Variants in AKT3 observed in about 807,000 individuals in gnomAD.
The protein encoded by AKT3 is RAC-gamma serine/threonine-protein kinase.
A neutral mutation model predicts 65.3 loss-of-function variants in AKT3; 15 were observed. The observed-to-expected ratio is 0.23, with a 90% CI of 0.15 to 0.35. The LOEUF (loss-of-function observed/expected upper bound fraction) is 0.35. AKT3 is among the 10% of genes least tolerant of loss of function. AKT3 has a pLI of 1.00. For missense variants in AKT3, 243 were observed against 576.5 expected, an observed-to-expected ratio of 0.42 and a Z score of 5.92; for synonymous variants, 206 against 183.8, an observed-to-expected ratio of 1.12 and a Z score of -0.98.
chr1:243,796,853 A>G (rs1464590304), intron 2 of AKT3, among the ~76,000 whole-genome samples: 2 of 152,178 alleles, frequency 1.3e-5, no homozygotes, highest in Non-Finnish European at 2.9e-5. Flanking sequence ...CCTGGAAAAC[A>G]CTACGCTAAG....
chr1:243,666,366 TAGTTTTCTAAC>T (rs1262539821), intron 3 of AKT3, among the ~76,000 whole-genome samples: 1 of 152,190 alleles, frequency 6.6e-6, no homozygotes, highest in Non-Finnish European at 1.5e-5. Context: ...GGTCTCTGCT[TAGTTTTCTAAC>T]AGTTTACATG....
intron 2 of AKT3, among the ~76,000 whole-genome samples, chr1:243,714,773 C>T (rs538534002): frequency 6.6e-6 from 1 of 152,112 alleles, no homozygotes; most frequent in East Asian, 1.9e-4. Context: ...TAAAAATCTA[C>T]TATTTGAAGA....
intron 3 of AKT3, among the ~76,000 whole-genome samples, chr1:243,670,651 T>C (rs1332460490): frequency 6.6e-6 from 1 of 152,232 alleles, no homozygotes; most frequent in Non-Finnish European, 1.5e-5. Flanking sequence ...TTAATATGCA[T>C]CAGTAAAGTA....
At chr1:243,725,039 C>T (rs992192114) in intron 2 of AKT3, among the ~76,000 whole-genome samples, 57 of 147,404 alleles carry the variant, frequency 3.9e-4, no homozygotes, top group African/African-American at 1.2e-3. Flanking sequence ...CTTGTCTAGA[C>T]CAAAAAAAAA....
chr1:243,730,356 T>G (rs554534164), intron 2 of AKT3, among the ~76,000 whole-genome samples: 1 of 152,302 alleles, frequency 6.6e-6, no homozygotes, highest in East Asian at 1.9e-4. Context: ...CACCTTCCAG[T>G]TGTCCACGTA....
chr1:243,568,204 A>G lies in AKT3; in HGVS notation c.820-4356T>C, dbSNP rs114247710. 3.0e-3 allele frequency among the ~76,000 whole-genome samples: 455 copies of G among 152,264 alleles called. 5 individuals carry two copies. The highest frequency in any genetic ancestry group is 0.01 in the African/African-American group (425 of 41,560). ...GCATATTGTCACTGACTGCTTAGGT[A>G]CTCTAAATTTATGAAACTTTACATG... On this transcript the variant is annotated intron_variant, in intron 9 of 13. Coordinates refer to ENST00000673466, the MANE Select transcript of AKT3 (RefSeq NM_005465.7).
intron 10 of AKT3, among the ~76,000 whole-genome samples, chr1:243,559,575 A>G (rs1158366111): frequency 6.6e-6 from 1 of 152,186 alleles, no homozygotes; most frequent in Non-Finnish European, 1.5e-5. Flanking sequence ...GACATTGGAC[A>G]TTTAATAAAC....
intron 8 of AKT3, among the ~76,000 whole-genome samples, chr1:243,591,361 A>G (rs969078271): frequency 6.6e-6 from 1 of 152,242 alleles, no homozygotes; most frequent in African/African-American, 2.4e-5. Context: ...TTAGTGCTAG[A>G]GCAAAGGATA....
intron 8 of AKT3, among the ~76,000 whole-genome samples, chr1:243,585,096 T>A (rs1012323937): frequency 6.6e-6 from 1 of 152,078 alleles, no homozygotes; most frequent in Non-Finnish European, 1.5e-5. Context: ...AGCATTTCTA[T>A]ATACTGATAA....
At chr1:243,747,844 A>G (rs759553118) in intron 2 of AKT3, among the ~76,000 whole-genome samples, 1 of 152,236 alleles carries the variant, frequency 6.6e-6, no homozygotes, top group Non-Finnish European at 1.5e-5. Flanking sequence ...ATGGCTAAAA[A>G]TTACTTAACA....
At chr1:243,731,065 A>G (rs1687530856) in intron 2 of AKT3, among the ~76,000 whole-genome samples, 1 of 152,206 alleles carries the variant, frequency 6.6e-6, no homozygotes, top group African/African-American at 2.4e-5. Context: ...GGAGTGAGTG[A>G]AACTCAAGCA....
In AKT3 at chr1:243,669,759, AAAGAT is replaced by A. The variant is rs565211829; in HGVS notation, c.173-4881_173-4877del. Among the ~76,000 whole-genome samples, 698 of 152,328 alleles carry A rather than the reference AAAGAT, an allele frequency of 4.6e-3. 1 individual carries two copies. The highest frequency in any genetic ancestry group is 0.016 in the African/African-American group (652 of 41,576). On this transcript the variant is annotated intron_variant, in intron 3 of 13. Coordinates refer to ENST00000673466, the MANE Select transcript of AKT3 (RefSeq NM_005465.7). ...ATTTATAAGGCTGCTAAAAACAATAAAAGATATTACTATAATTACCATTCTCAAGC... is the reference window on the plus strand; with the variant it reads ...ATTTATAAGGCTGCTAAAAACAATAAATTACTATAATTACCATTCTCAAGC...
chr1:243,572,055 G>C (rs1284009764), intron 9 of AKT3, among the ~76,000 whole-genome samples: 1 of 152,124 alleles, frequency 6.6e-6, no homozygotes, highest in Admixed American at 6.5e-5. Context: ...TACACAATTT[G>C]CTTCTTACAA....
In AKT3 at chr1:243,790,977, T is replaced by C. The variant is rs148474225; in HGVS notation, c.46+52148A>G. On this transcript the variant is annotated intron_variant, in intron 2 of 13. Transcript: ENST00000673466. ...TCATAGGTCACCATAACCGGTATAA[T>C]AATAACGAAAAAGTTGAAATACTGC... Among the ~76,000 whole-genome samples the C allele has an allele frequency of 1.5e-3, 228 of 152,184 alleles. 1 individual carries two copies. The highest frequency in any genetic ancestry group is 5.3e-3 in the African/African-American group (220 of 41,522).
chr1:243,580,329 G>C (rs1675241860), intron 8 of AKT3, among the ~76,000 whole-genome samples: 1 of 152,290 alleles, frequency 6.6e-6, no homozygotes, highest in African/African-American at 2.4e-5. Context: ...CCTAGGCCAA[G>C]GGAGAGCACT....
rs573467711 is a variant in AKT3 at position 243,506,000 on chromosome 1, G to A, written c.1355-666C>T. Among the ~76,000 whole-genome samples, 3 of 152,346 alleles carry A rather than the reference G, an allele frequency of 2.0e-5. No individual in the cohort carries two copies. In the South Asian group the frequency reaches 6.2e-4, roughly 32 times the overall value. ...GACAATCACAGTGTTCCTCCTGTCA[G>A]CTTTCCTGGTTTCCTGTATTTCAAA... On this transcript the variant is annotated intron_variant, in intron 13 of 13. Coordinates refer to ENST00000673466, the MANE Select transcript of AKT3 (RefSeq NM_005465.7).
intron 8 of AKT3, among the ~76,000 whole-genome samples, chr1:243,596,812 G>T (rs559803953): frequency 6.6e-6 from 1 of 152,192 alleles, no homozygotes; most frequent in Non-Finnish European, 1.5e-5. Flanking sequence ...ACCAGTGGGA[G>T]AGATTAACAA....
chr1:243,682,138 T>C (rs1683968452), intron 3 of AKT3, among the ~76,000 whole-genome samples: 1 of 152,014 alleles, frequency 6.6e-6, no homozygotes, highest in African/African-American at 2.4e-5. Context: ...CAAATAGTTA[T>C]CTACATTCAA....
intron 12 of AKT3, among the ~76,000 whole-genome samples, chr1:243,531,178 TCTC>T (rs917169301): frequency 6.6e-6 from 1 of 152,108 alleles, no homozygotes; most frequent in African/African-American, 2.4e-5. Flanking sequence ...GCAGCCTTGA[TCTC>T]CTGGGCTCAA....
Sources: gnomAD v4.1 joint callset for allele counts (sites outside exome capture counted in the v4.1 genomes callset) on GRCh38, gnomAD v4.1.1 for gene constraint, MANE v1.5 for transcripts, NCBI Gene and HGNC (gene_info 2026-07-23, HGNC 2026-07-21) for gene names.